Variants in PLEKHA7 observed in about 807,000 individuals in gnomAD.
The protein encoded by PLEKHA7 is pleckstrin homology domain containing A7.
In PLEKHA7, 104 loss-of-function variants were observed where a neutral mutation model predicts 170.0. That is an observed-to-expected ratio of 0.61 (90% confidence interval 0.52 to 0.72). The LOEUF (loss-of-function observed/expected upper bound fraction) is 0.72, where lower values mean the gene tolerates loss of function less well. Ranked by LOEUF, PLEKHA7 falls within the 30% of genes least tolerant of loss-of-function variation. The pLI is 0.00. For missense variants in PLEKHA7, 1,615 were observed against 1,671.7 expected (o/e 0.97, Z 0.59); for synonymous variants, 648 against 660.8 (o/e 0.98, Z 0.30).
chr11:16,965,503 C>T (rs1435139086), intron 3 of PLEKHA7, among the ~76,000 whole-genome samples: 1 of 152,156 alleles, frequency 6.6e-6, no homozygotes, highest in Non-Finnish European at 1.5e-5. Context: ...TGCCAACTCA[C>T]CTTTGGGTTC....
chr11:16,831,969 T>C (rs901031345), intron 9 of PLEKHA7, among the ~76,000 whole-genome samples: 1 of 152,228 alleles, frequency 6.6e-6, no homozygotes, highest in African/African-American at 2.4e-5. Flanking sequence ...GATGATCATA[T>C]AACATAGCTT....
chr11:16,975,976 G>A (rs1863036298), intron 3 of PLEKHA7, among the ~76,000 whole-genome samples: 1 of 152,192 alleles, frequency 6.6e-6, no homozygotes, highest in African/African-American at 2.4e-5. Context: ...GCTGCTTGTG[G>A]GCTAGCCGGC....
chr11:17,014,093 G>A, intron 2 of PLEKHA7, 32 bp downstream of exon 2: 1 of 1,585,712 alleles, frequency 6.3e-7, no homozygotes, highest in Non-Finnish European at 8.6e-7. Flanking sequence ...CCGCCGCTGC[G>A]CGCGCCCCCC....
In PLEKHA7 at chr11:16,899,419, C is replaced by G. The variant is rs550797716; in HGVS notation, c.222-28237G>C. On this transcript the variant is annotated intron_variant, in intron 3 of 26. Transcript: ENST00000531066. ...GGCTGAGGAAGGAGAATCGCTTGAA[C>G]CTGGGAGGCGGAGGTTGTGGTGAGC... Among the ~76,000 whole-genome samples the G allele has an allele frequency of 3.0e-4, 45 of 152,296 alleles. 2 individuals carry two copies. In the South Asian group the frequency reaches 8.7e-3, roughly 29 times the overall value.
chr11:16,899,252 T>G (rs918639551), intron 3 of PLEKHA7, among the ~76,000 whole-genome samples: 2 of 152,148 alleles, frequency 1.3e-5, no homozygotes, highest in Non-Finnish European at 2.9e-5. Context: ...ATCCCAACAC[T>G]TTGGGAGGCT....
At chr11:16,907,146 G>T (rs1417400229) in intron 3 of PLEKHA7, among the ~76,000 whole-genome samples, 2 of 97,454 alleles carry the variant, frequency 2.1e-5, no homozygotes, top group African/African-American at 4.3e-5. Context: ...CAGCCGCCCC[G>T]TCCGGAAGGG....
At chr11:16,880,431 T>C (rs1855624456) in intron 3 of PLEKHA7, among the ~76,000 whole-genome samples, 1 of 152,244 alleles carries the variant, frequency 6.6e-6, no homozygotes, top group Non-Finnish European at 1.5e-5. Context: ...CAGCCCACAG[T>C]AGACACTTCA....
rs541098963 is a variant in PLEKHA7 at position 16,945,451 on chromosome 11, T to C, written c.221+68538A>G. ...ACAACCCCTGTAATTGACTGTTGTC[T>C]GCCTTCCCCAAAAGACTGAGAGTTC... On this transcript the variant is annotated intron_variant, in intron 3 of 26. Coordinates refer to ENST00000531066, the MANE Select transcript of PLEKHA7 (RefSeq NM_001329630.2). 1.4e-4 allele frequency among the ~76,000 whole-genome samples: 22 copies of C among 152,316 alleles called. No homozygotes were observed. In the South Asian group the frequency reaches 4.6e-3, roughly 32 times the overall value.
chr11:16,854,135 G>A (rs1465579816), intron 6 of PLEKHA7, among the ~76,000 whole-genome samples: 1 of 152,180 alleles, frequency 6.6e-6, no homozygotes, highest in East Asian at 1.9e-4. Flanking sequence ...CAGAATGGAT[G>A]AATGAATGAA....
intron 3 of PLEKHA7, among the ~76,000 whole-genome samples, chr11:16,921,230 A>G (rs1312822951): frequency 2.1e-5 from 3 of 145,748 alleles, no homozygotes; most frequent in Non-Finnish European, 4.7e-5. Context: ...GGGACCTTGA[A>G]AACTCTGAGC....
At position 16,970,621 on chromosome 11, in the gene PLEKHA7, C is replaced by T. The variant is rs138445938; in HGVS notation, c.221+43368G>A. Among the ~76,000 whole-genome samples the T allele has an allele frequency of 8.3e-3, 1,268 of 152,018 alleles. 19 individuals are homozygous for T. The highest frequency in any genetic ancestry group is 0.029 in the African/African-American group (1,214 of 41,464). Reference sequence around the variant, plus strand: ...GGTCGAGGCTGCAGTGAGCCGTAATCGCACCACTGCACTCTAGCCTGGGCA... The same window carrying T: ...GGTCGAGGCTGCAGTGAGCCGTAATTGCACCACTGCACTCTAGCCTGGGCA... On this transcript the variant is annotated intron_variant, in intron 3 of 26. Transcript: ENST00000531066.
intron 3 of PLEKHA7, among the ~76,000 whole-genome samples, chr11:16,902,505 A>G (rs116701174): frequency 0.016 from 2,379 of 152,304 alleles, 61 homozygotes; most frequent in African/African-American, 0.054. Context: ...CAGCACTTCT[A>G]AAGTATCTGT....
At chr11:16,951,394 A>G (rs1389237551) in intron 3 of PLEKHA7, among the ~76,000 whole-genome samples, 1 of 152,106 alleles carries the variant, frequency 6.6e-6, no homozygotes, top group Non-Finnish European at 1.5e-5. Context: ...CAACAACAAT[A>G]ACGGTGCATT....
intron 10 of PLEKHA7, among the ~76,000 whole-genome samples, chr11:16,823,142 A>C (rs1358085305): frequency 6.6e-6 from 1 of 152,098 alleles, no homozygotes; most frequent in Non-Finnish European, 1.5e-5. Context: ...CCACAGGTGC[A>C]TGCCACCACA....
intron 3 of PLEKHA7, among the ~76,000 whole-genome samples, chr11:16,959,973 C>A (rs1057196410): frequency 3.3e-5 from 5 of 152,154 alleles, no homozygotes; most frequent in African/African-American, 1.2e-4. Context: ...CCTACTGCCC[C>A]CCAAGGGATC....
chr11:16,904,575 A>G (rs1857534804), intron 3 of PLEKHA7, among the ~76,000 whole-genome samples: 1 of 152,230 alleles, frequency 6.6e-6, no homozygotes, highest in African/African-American at 2.4e-5. Flanking sequence ...GGATAAAAAT[A>G]AGCCAAAATG....
At chr11:16,847,732 C>T (rs1320450078) in intron 8 of PLEKHA7, among the ~76,000 whole-genome samples, 1 of 151,596 alleles carries the variant, frequency 6.6e-6, no homozygotes, top group Non-Finnish European at 1.5e-5. Context: ...ATCCCAGCCA[C>T]TCGGAAGGCT....
rs1054223093 is a variant in PLEKHA7, at chr11:16,783,732, G to A, written c.3618C>T (p.Ala1206=). The A allele has an allele frequency of 3.2e-5, 48 of 1,491,668 alleles. No homozygotes were observed. The highest frequency in any genetic ancestry group is 1.9e-4 in the East Asian group (7 of 37,412). The allele number at this position is 1,491,668 out of a possible 1,614,324, so 92.4% of individuals were successfully genotyped here. ...GGGCGAGGATGTTGCGGATCTTCTCGGCTTTGCGGTACCGCGCCTGCAGCT... is the reference window on the plus strand; with the variant it reads ...GGGCGAGGATGTTGCGGATCTTCTCAGCTTTGCGGTACCGCGCCTGCAGCT... ...LEELQARYRK[A]EKIRNILARS... is the part of the protein sequence containing the mutation. Residue 1206 remains alanine, a synonymous_variant, in exon 25 of 27, where the codon GCC becomes GCT. Transcript: ENST00000531066.
chr11:16,938,284 C>A (rs1048464152), intron 3 of PLEKHA7, among the ~76,000 whole-genome samples: 1 of 152,028 alleles, frequency 6.6e-6, no homozygotes, highest in Non-Finnish European at 1.5e-5. Flanking sequence ...GGGAAAGACA[C>A]GTGGCTTCGT....
Sources: allele counts gnomAD v4.1 joint callset (sites outside exome capture counted in the v4.1 genomes callset), GRCh38; gene constraint gnomAD v4.1.1; transcripts MANE v1.5; gene names NCBI Gene and HGNC (gene_info 2026-07-23, HGNC 2026-07-21).